Variants in PCDHGB3 observed in about 807,000 individuals in gnomAD.
PCDHGB3 encodes the protein protocadherin gamma subfamily B, 3.
In PCDHGB3, 40 loss-of-function variants were observed where a neutral mutation model predicts 59.2. The observed-to-expected ratio is 0.68, with a 90% CI of 0.52 to 0.88. The LOEUF is 0.88. PCDHGB3 is among the 40% of genes least tolerant of loss of function. PCDHGB3 has a pLI of 0.00. For synonymous variants in PCDHGB3, 581 were observed against 503.6 expected (o/e 1.15, Z -2.06); for missense variants, 1,309 against 1,187.9 (o/e 1.10, Z -1.50).
At chr5:141,394,259 G>T (rs1367261725) in intron 1 of PCDHGB3, 3 of 1,613,936 alleles carry the variant, frequency 1.9e-6, no homozygotes, top group African/African-American at 2.7e-5. Context: ...CCGACAGCCA[G>T]GAGAATGCCC....
chr5:141,384,021 A>G (rs1779689462), intron 1 of PCDHGB3: 1 of 1,613,720 alleles, frequency 6.2e-7, no homozygotes, highest in African/African-American at 1.3e-5. Context: ...TACAAGACAG[A>G]GATTCTGGAA....
chr5:141,478,624 T>C (rs1300260980), intron 1 of PCDHGB3: 3 of 1,554,196 alleles, frequency 1.9e-6, no homozygotes, highest in Non-Finnish European at 2.6e-6. Context: ...AATGGAGCTG[T>C]TTTTTTAGTG....
intron 1 of PCDHGB3, chr5:141,414,096 A>G (rs2095708665): frequency 1.9e-6 from 3 of 1,595,210 alleles, no homozygotes; most frequent in Middle Eastern, 3.3e-4. Context: ...AAATAAAAAT[A>G]TCAGAAAATC....
chr5:141,411,017 A>T lies in PCDHGB3; in HGVS notation c.2415+38208A>T, dbSNP rs140607036. ...TACTGGTGCCCCTCACCACAGCTAA[A>T]TTTTTTGTATTTTTAGTAGACATGG... On this transcript the variant is annotated intron_variant, in intron 1 of 3. Transcript: ENST00000576222. 3.9e-3 allele frequency: 631 copies of T among 162,486 alleles called. 5 individuals are homozygous for T. Among genetic ancestry groups the T allele is most frequent in the Admixed American group, 0.011 (172 of 16,000 alleles). 10.1% of individuals were successfully genotyped at this position (162,486 alleles called of 1,614,324 possible).
At chr5:141,410,914 C>T (rs1399369063) in intron 1 of PCDHGB3, 4 of 246,122 alleles carry the variant, frequency 1.6e-5, no homozygotes, top group Admixed American at 6.8e-5. Context: ...AGTGCAGTGG[C>T]GTGATCTCTG....
Position 141,431,668 on chromosome 5 carries a change from A to C in PCDHGB3, c.2415+58859A>C. ...ATTGTAATTCAGGGACAATATCAAC[A>C]ATAGGGGAGTTGGACCACGAGGAGT... is the stretch of plus-strand genomic sequence containing the variant. On this transcript the variant is annotated intron_variant, in intron 1 of 3. Coordinates refer to ENST00000576222, the MANE Select transcript of PCDHGB3 (RefSeq NM_018924.5). This position sits in a 1 kb window ranked among gnomAD's most constrained non-coding sequence, Gnocchi z 4.8. The C allele has an allele frequency of 6.2e-7, 1 of 1,614,208 alleles. No individual in the cohort carries two copies. Among genetic ancestry groups the C allele is most frequent in the Non-Finnish European group, 8.5e-7 (1 of 1,180,036 alleles).
intron 1 of PCDHGB3, among the ~76,000 whole-genome samples, chr5:141,448,378 A>G (rs1288817591): frequency 6.6e-6 from 1 of 152,154 alleles, no homozygotes; most frequent in East Asian, 1.9e-4. Context: ...ATTTTTGAAT[A>G]GGAAATACAT....
chr5:141,438,586 A>G (rs949534736), intron 1 of PCDHGB3, among the ~76,000 whole-genome samples: 2 of 56,254 alleles, frequency 3.6e-5, no homozygotes, highest in South Asian at 6.2e-4. Context: ...ATACATACAT[A>G]CATACATATA....
chr5:141,404,973 A>T, intron 1 of PCDHGB3: 1 of 1,613,952 alleles, frequency 6.2e-7, no homozygotes, highest in South Asian at 1.1e-5. Flanking sequence ...ATCCTGGCTG[A>T]CCTGGGCAGT....
At chr5:141,500,453 C>G (rs1403599390) in intron 2 of PCDHGB3, among the ~76,000 whole-genome samples, 1 of 152,246 alleles carries the variant, frequency 6.6e-6, no homozygotes, top group African/African-American at 2.4e-5. Flanking sequence ...TCGTGATCCG[C>G]CCGCCTCGGC....
intron 1 of PCDHGB3, among the ~76,000 whole-genome samples, chr5:141,452,082 T>A (rs924362905): frequency 3.3e-5 from 5 of 152,240 alleles, no homozygotes; most frequent in Non-Finnish European, 7.3e-5. Context: ...GTTGGCATTA[T>A]ACAGTAAGAA....
intron 2 of PCDHGB3, among the ~76,000 whole-genome samples, chr5:141,504,506 A>T (rs575756846): frequency 1.3e-5 from 2 of 152,096 alleles, no homozygotes; most frequent in African/African-American, 4.8e-5. Context: ...GTCTGAGTGG[A>T]TCTCCTCTGA....
chr5:141,493,979 C>T lies in PCDHGB3; in HGVS notation c.2416-828C>T, dbSNP rs1273325447. ...GAAGTGGCTGGCCAGAGCCCCACAC[C>T]TTCAGCTAGGTGGGAGATGGCTACA... is the stretch of plus-strand genomic sequence containing the variant. On this transcript the variant is annotated intron_variant, in intron 1 of 3. Coordinates refer to ENST00000576222, the MANE Select transcript of PCDHGB3 (RefSeq NM_018924.5). The surrounding 1 kb of genome is among the most constrained non-coding windows in gnomAD (Gnocchi z 4.3). Among the ~76,000 whole-genome samples, 1 of 152,182 alleles carries T rather than the reference C, an allele frequency of 6.6e-6. No individual in the cohort carries two copies. Among genetic ancestry groups the T allele is most frequent in the Non-Finnish European group, 1.5e-5 (1 of 68,032 alleles).
chr5:141,431,658 C>T lies in PCDHGB3; in HGVS notation c.2415+58849C>T, dbSNP rs1283381348. 6.2e-7 allele frequency: 1 copy of T among 1,614,088 alleles called. No individual in the cohort carries two copies. ...TTCAAACTAGATTGTAATTCAGGGA[C>T]AATATCAACAATAGGGGAGTTGGAC... On this transcript the variant is annotated intron_variant, in intron 1 of 3. Transcript: ENST00000576222. The surrounding 1 kb of genome is among the most constrained non-coding windows in gnomAD (Gnocchi z 4.8).
At chr5:141,398,683 C>T (rs910361681) in intron 1 of PCDHGB3, 1 of 1,613,796 alleles carries the variant, frequency 6.2e-7, no homozygotes, top group African/African-American at 1.3e-5. Flanking sequence ...TAAGGAGAAA[C>T]AGGATGGTAG....
At chr5:141,404,408 A>G in intron 1 of PCDHGB3, 1 of 1,613,900 alleles carries the variant, frequency 6.2e-7, no homozygotes, top group Non-Finnish European at 8.5e-7. Flanking sequence ...TGAGAATTCT[A>G]GAGTTATTTA....
chr5:141,374,215 C>T (rs770866531), intron 1 of PCDHGB3: 4 of 1,613,958 alleles, frequency 2.5e-6, no homozygotes, highest in South Asian at 1.1e-5. Flanking sequence ...AAGGCTCCTT[C>T]GTAGGCAACA....
chr5:141,425,576 G>A (rs2096883993), intron 1 of PCDHGB3, among the ~76,000 whole-genome samples: 1 of 152,166 alleles, frequency 6.6e-6, no homozygotes, highest in Non-Finnish European at 1.5e-5. Flanking sequence ...GAAGGGTTTG[G>A]CTAACTTTAT....
chr5:141,422,850 G>C (rs184432819), intron 1 of PCDHGB3: 30 of 1,614,086 alleles, frequency 1.9e-5, no homozygotes, highest in Middle Eastern at 1.6e-4. Flanking sequence ...GCGGGGACCC[G>C]CCCCTCAGCA....
Sources: gnomAD v4.1 joint callset for allele counts (sites outside exome capture counted in the v4.1 genomes callset) on GRCh38, gnomAD v4.1.1 for gene constraint, Gnocchi (gnomAD v3.1) non-coding constraint, MANE v1.5 for transcripts, NCBI Gene and HGNC (gene_info 2026-07-23, HGNC 2026-07-21) for gene names.